ODAD4: variants seen among roughly 807,000 people sequenced by gnomAD.
ODAD4 encodes the protein outer dynein arm docking complex subunit 4.
In ODAD4, 49 loss-of-function variants were observed where a neutral mutation model predicts 51.8. The ratio of observed to expected loss-of-function variants is 0.95; its 90% CI spans 0.75 to 1.20. ODAD4 has a LOEUF of 1.20. Ranked by LOEUF, ODAD4 falls within the 50% of genes most tolerant of loss-of-function variation. The pLI, the probability that ODAD4 is intolerant of heterozygous loss-of-function variation, is 0.00. For missense variants in ODAD4, 590 were observed against 586.5 expected, an observed-to-expected ratio of 1.01 and a Z score of -0.06; for synonymous variants, 235 against 221.3, an observed-to-expected ratio of 1.06 and a Z score of -0.55.
chr17:41,937,116 A>G, intron 5 of ODAD4, 189 bp downstream of exon 5: 1 of 641,054 alleles, frequency 1.6e-6, no homozygotes, highest in Non-Finnish European at 2.6e-6. Flanking sequence ...AAGGTCATAT[A>G]TAGGTAGGCA....
chr17:41,941,650 G>T (rs1350699970), intron 7 of ODAD4, among the ~76,000 whole-genome samples: 1 of 151,898 alleles, frequency 6.6e-6, no homozygotes, highest in Non-Finnish European at 1.5e-5. Flanking sequence ...GTGTGGTGGT[G>T]TGCGCCTGTA....
chr17:41,940,207 C>T (rs1389018500), intron 7 of ODAD4, among the ~76,000 whole-genome samples: 7 of 152,144 alleles, frequency 4.6e-5, no homozygotes, highest in Admixed American at 4.6e-4. Context: ...AGCCCTCAGC[C>T]GACCTGAGTC....
chr17:41,932,729 T>C (rs371079623), intron 1 of ODAD4, among the ~76,000 whole-genome samples: 21 of 145,538 alleles, frequency 1.4e-4, no homozygotes, highest in African/African-American at 2.2e-4. Flanking sequence ...TTTTCTTCTT[T>C]TTTTTTTTTT....
intron 7 of ODAD4, among the ~76,000 whole-genome samples, chr17:41,943,928 T>TC (rs1359625847): frequency 2.0e-5 from 3 of 151,908 alleles, no homozygotes; most frequent in Non-Finnish European, 4.4e-5. Context: ...GTGGCAAAAC[T>TC]CCATCTCTAT....
intron 9 of ODAD4, 176 bp from the exon 10 acceptor site, chr17:41,955,041 A>C (rs782241402): frequency 1.4e-6 from 1 of 705,968 alleles, no homozygotes; most frequent in African/African-American, 1.7e-5. Flanking sequence ...GCCCAGGAAC[A>C]CGGTGGAAAG....
Position 41,962,534 on chromosome 17 carries a change from C to T in ODAD4, c.1528+1068C>T, listed in dbSNP as rs114325909. Reference sequence around the variant, plus strand: ...GTAGCCGACCCCCATTCATGCTTCCCGCAGGCCAGGCATTCTTTCAAAGAC... The same window carrying T: ...GTAGCCGACCCCCATTCATGCTTCCTGCAGGCCAGGCATTCTTTCAAAGAC... On this transcript the variant is annotated intron_variant, in intron 11 of 11. Coordinates refer to ENST00000377540, the MANE Select transcript of ODAD4 (RefSeq NM_031421.5). 2.8e-3 allele frequency among the ~76,000 whole-genome samples: 425 copies of T among 152,300 alleles called. 3 individuals carry two copies. The highest frequency in any genetic ancestry group is 9.6e-3 in the African/African-American group (400 of 41,564).
intron 11 of ODAD4, 108 bp downstream of exon 11, chr17:41,961,574 A>G: frequency 1.5e-6 from 1 of 676,210 alleles, no homozygotes; most frequent in South Asian, 1.7e-5. Context: ...GGGGCTTGGC[A>G]CTGCCCATCG....
chr17:41,936,387 A>G, intron 3 of ODAD4, 86 bp from the exon 4 acceptor site: 1 of 983,102 alleles, frequency 1.0e-6, no homozygotes, highest in Non-Finnish European at 1.6e-6. Flanking sequence ...TCCCCCTGCC[A>G]AAGGCAGCCA....
At chr17:41,954,044 G>A (rs142046423) in intron 9 of ODAD4, among the ~76,000 whole-genome samples, 27 of 150,918 alleles carry the variant, frequency 1.8e-4, no homozygotes, top group African/African-American at 6.1e-4. Context: ...GGAGTGCAGT[G>A]GCGCGATCTC....
intron 11 of ODAD4, 33 bp from the exon 12 acceptor site, chr17:41,964,960 T>A: frequency 3.0e-6 from 2 of 675,546 alleles, no homozygotes; most frequent in South Asian, 3.3e-5. Flanking sequence ...AACAAACTTT[T>A]ATCTTTCTTC....
At chr17:41,949,050 G>C (rs1354396241) in intron 8 of ODAD4, 103 bp from the exon 9 acceptor site, 1 of 397,366 alleles carries the variant, frequency 2.5e-6, no homozygotes, top group African/African-American at 2.1e-5. Context: ...CTGGTAGCTG[G>C]AGAACAAGTT....
Position 41,930,732 on chromosome 17 carries a change from C to T in ODAD4, c.9C>T (p.Asp3=), listed in dbSNP as rs1304928101. MS[D]PEGETLRSTF... ...CTCTAAATCCGGTCACCATGTCGGA[C>T]CCCGAAGGCGAGACCTTGCGAAGCA... Residue 3 remains aspartate, a synonymous_variant, in exon 1 of 12, where the codon GAC becomes GAT. Coordinates refer to ENST00000377540, the MANE Select transcript of ODAD4 (RefSeq NM_031421.5). 1 of 1,608,280 alleles carries T rather than the reference C, an allele frequency of 6.2e-7. No homozygotes were observed. Among genetic ancestry groups the T allele is most frequent in the Non-Finnish European group, 8.5e-7 (1 of 1,176,590 alleles).
chr17:41,930,644 C>A lies in ODAD4; in HGVS notation c.-80C>A. 2 of 923,180 alleles carry A rather than the reference C, an allele frequency of 2.2e-6. No individual in the cohort carries two copies. Among genetic ancestry groups the A allele is most frequent in the Non-Finnish European group, 3.4e-6 (2 of 589,342 alleles). The allele number at this position is 923,180 out of a possible 1,614,324, so 57.2% of individuals were successfully genotyped here. On this transcript the variant is annotated 5_prime_UTR_variant, in exon 1 of 12. Coordinates refer to ENST00000377540, the MANE Select transcript of ODAD4 (RefSeq NM_031421.5). ...TGTACATCTCATGGTTGCTAAGAAA[C>A]GGAGCTTCCACAAACCAGATAGAGG... is the stretch of plus-strand genomic sequence containing the variant.
At chr17:41,953,282 A>G (rs551934626) in intron 9 of ODAD4, among the ~76,000 whole-genome samples, 17 of 151,974 alleles carry the variant, frequency 1.1e-4, no homozygotes, top group Non-Finnish European at 2.1e-4. Context: ...GCTGATCTCA[A>G]TCTCCTGACC....
At position 41,932,763 on chromosome 17, in the gene ODAD4, C is replaced by T. The variant is rs1369052425; in HGVS notation, c.114+1926C>T. Among the ~76,000 whole-genome samples the T allele has an allele frequency of 2.4e-5, 3 of 122,898 alleles. No individual in the cohort carries two copies. The Admixed American group carries it at 3.0e-4, about 12-fold the overall frequency. The allele number at this position is 122,898 out of a possible 152,430, so 80.6% of individuals were successfully genotyped here. ...TTTTTTTGTAGAGATAGGTGTTTTG[C>T]TATGTTGCCCTGGCTGGTATTGAAC... On this transcript the variant is annotated intron_variant, in intron 1 of 11. Transcript: ENST00000377540.
At chr17:41,961,345 C>T in intron 10 of ODAD4, 37 bp from the exon 11 acceptor site, 1 of 723,076 alleles carries the variant, frequency 1.4e-6, no homozygotes, top group Non-Finnish European at 2.6e-6. Flanking sequence ...GGTGTAGGTG[C>T]CAAACACAGG....
chr17:41,956,295 TG>T (rs2050732132), intron 10 of ODAD4, among the ~76,000 whole-genome samples: 1 of 151,472 alleles, frequency 6.6e-6, no homozygotes. Flanking sequence ...ATGATCTGTC[TG>T]CCTCGGCCTC....
At chr17:41,944,425 CACACACACACACACACACA>C (rs1567932967) in intron 7 of ODAD4, among the ~76,000 whole-genome samples, 18 of 8,420 alleles carry the variant, frequency 2.1e-3, no homozygotes, top group East Asian at 0.042. Context: ...CACACACACA[CACACACACACACACACACA>C]CCCCCCCGCA....
At chr17:41,936,407 A>G in intron 3 of ODAD4, 66 bp from the exon 4 acceptor site, 1 of 1,202,648 alleles carries the variant, frequency 8.3e-7, no homozygotes, top group Non-Finnish European at 1.2e-6. Context: ...ATTTCTACAT[A>G]AAAATATGTG....
Sources: gnomAD v4.1 joint callset for allele counts (sites outside exome capture counted in the v4.1 genomes callset) on GRCh38, gnomAD v4.1.1 for gene constraint, MANE v1.5 for transcripts, NCBI Gene and HGNC (gene_info 2026-07-23, HGNC 2026-07-21) for gene names.